TXNDC16: variants seen among roughly 807,000 people sequenced by gnomAD.
TXNDC16 encodes the protein thioredoxin domain-containing protein 16.
Under a neutral mutation model 85.6 loss-of-function variants are expected in TXNDC16, and 74 were observed. The observed-to-expected ratio is 0.86, with a 90% confidence interval of 0.72 to 1.05. The LOEUF (loss-of-function observed/expected upper bound fraction) is 1.05. Among genes scored for constraint, TXNDC16 ranks in the 50% least tolerant of loss-of-function variants. TXNDC16 has a pLI of 0.00. For synonymous variants in TXNDC16, 335 were observed against 326.5 expected (o/e 1.03, Z -0.28); for missense variants, 959 against 947.0 (o/e 1.01, Z -0.17).
intron 9 of TXNDC16, among the ~76,000 whole-genome samples, chr14:52,492,072 A>T (rs1387087755): frequency 1.3e-5 from 2 of 152,120 alleles, no homozygotes; most frequent in East Asian, 1.9e-4. Flanking sequence ...AGGTAGTTAG[A>T]TCCCTAGATT....
intron 16 of TXNDC16, among the ~76,000 whole-genome samples, chr14:52,462,465 C>A (rs1054889567): frequency 1.3e-5 from 2 of 152,210 alleles, no homozygotes; most frequent in African/African-American, 4.8e-5. Flanking sequence ...CAGGCACATG[C>A]CACCATGCCT....
intron 9 of TXNDC16, among the ~76,000 whole-genome samples, chr14:52,502,372 G>A (rs1345777120): frequency 1.3e-5 from 2 of 152,226 alleles, no homozygotes; most frequent in African/African-American, 4.8e-5. Flanking sequence ...ACAGTGGTTA[G>A]AGCAGGGTCA....
At chr14:52,480,975 G>GTATATATATATATATA (rs141877325) in intron 14 of TXNDC16, among the ~76,000 whole-genome samples, 2 of 134,990 alleles carry the variant, frequency 1.5e-5, no homozygotes, top group African/African-American at 5.6e-5. Flanking sequence ...ATATATATAT[G>GTATATATATATATATA]TATATATATA....
rs189315410 is a variant in TXNDC16 at position 52,483,211 on chromosome 14, A to C, written c.1109-246T>G. Among the ~76,000 whole-genome samples the C allele has an allele frequency of 7.9e-5, 12 of 152,296 alleles. 1 individual carries two copies. The South Asian group carries it at 2.3e-3, about 29-fold the overall frequency. ...AAAATTAAAATTTGTTCTACAAAGAATATTAATAGTGCCATTTTGTTTATT... is the reference window on the plus strand; with the variant it reads ...AAAATTAAAATTTGTTCTACAAAGACTATTAATAGTGCCATTTTGTTTATT... On this transcript the variant is annotated intron_variant, in intron 12 of 20. Transcript: ENST00000281741.
chr14:52,433,473 T>C (rs1262651495), intron 20 of TXNDC16, among the ~76,000 whole-genome samples: 1 of 152,170 alleles, frequency 6.6e-6, no homozygotes, highest in Non-Finnish European at 1.5e-5. Context: ...TGAAAGAATC[T>C]ATGCACTGTT....
Position 52,546,229 on chromosome 14 carries a change from C to T in TXNDC16, c.-181-1858G>A, listed in dbSNP as rs574192301. ...GATTGAGGCTGCAGTGAGCCATGATCATGCCACTGCACTCCAGCCTGGGTG... is the reference window on the plus strand; with the variant it reads ...GATTGAGGCTGCAGTGAGCCATGATTATGCCACTGCACTCCAGCCTGGGTG... On this transcript the variant is annotated intron_variant, in intron 1 of 20. Transcript: ENST00000281741. 7.9e-5 allele frequency among the ~76,000 whole-genome samples: 12 copies of T among 152,234 alleles called. 1 individual carries two copies. The East Asian group carries it at 1.2e-3, about 15-fold the overall frequency.
At chr14:52,459,549 G>A (rs1256469789) in intron 16 of TXNDC16, among the ~76,000 whole-genome samples, 7 of 152,148 alleles carry the variant, frequency 4.6e-5, no homozygotes, top group Admixed American at 2.6e-4. Flanking sequence ...TTAAGGAGGC[G>A]GGACTCCTCC....
At chr14:52,434,101 T>C (rs1190253395) in intron 20 of TXNDC16, among the ~76,000 whole-genome samples, 2 of 152,142 alleles carry the variant, frequency 1.3e-5, no homozygotes, top group African/African-American at 4.8e-5. Flanking sequence ...AGGCGGAAGG[T>C]ACACTTGAGC....
At chr14:52,517,957 G>A (rs868744779) in intron 7 of TXNDC16, among the ~76,000 whole-genome samples, 1 of 152,234 alleles carries the variant, frequency 6.6e-6, no homozygotes, top group Middle Eastern at 3.4e-3. Flanking sequence ...AACTGTGCTT[G>A]TCAAGGTCAC....
At chr14:52,454,885 G>A (rs1315824662) in intron 18 of TXNDC16, among the ~76,000 whole-genome samples, 7 of 152,102 alleles carry the variant, frequency 4.6e-5, no homozygotes, top group Admixed American at 2.6e-4. Context: ...TATACACAAA[G>A]CACTATCAAA....
Position 52,536,751 on chromosome 14 carries a change from A to T in TXNDC16, c.360T>A (p.Phe120Leu). 1 of 1,612,132 alleles carries T rather than the reference A, an allele frequency of 6.2e-7. No individual in the cohort carries two copies. Among genetic ancestry groups the T allele is most frequent in the Non-Finnish European group, 8.5e-7 (1 of 1,178,854 alleles). Reference protein sequence around the residue: ...LLREFPTDTLFDVNAIVAHVL... With the variant: ...LLREFPTDTLLDVNAIVAHVL... ...CATGGGCGACAATGGCATTCACATCAAACAAGGTGTCAGTAGGGAATTCTC... is the reference window on the plus strand; with the variant it reads ...CATGGGCGACAATGGCATTCACATCTAACAAGGTGTCAGTAGGGAATTCTC... Residue 120 changes from phenylalanine to leucine, a missense_variant, in exon 6 of 21, where the codon TTT becomes TTA. Physicochemically the swap from Phe to Leu is conservative, Grantham distance 22. Transcript: ENST00000281741.
chr14:52,489,743 C>A (rs949082906), intron 11 of TXNDC16, among the ~76,000 whole-genome samples: 3 of 152,198 alleles, frequency 2.0e-5, no homozygotes, highest in Non-Finnish European at 4.4e-5. Context: ...TCAGCACAAC[C>A]AGTGGCCATC....
At chr14:52,456,997 T>A in intron 17 of TXNDC16, 93 bp downstream of exon 17, 1 of 878,984 alleles carries the variant, frequency 1.1e-6, no homozygotes, top group South Asian at 1.6e-5. Context: ...TACCTTATTT[T>A]CCTCCATCAG....
intron 14 of TXNDC16, among the ~76,000 whole-genome samples, 153 bp from the exon 15 acceptor site, chr14:52,470,833 C>T (rs1299903506): frequency 1.3e-5 from 2 of 152,152 alleles, no homozygotes; most frequent in Non-Finnish European, 2.9e-5. Context: ...TTTGCAACAC[C>T]ATTCCCTGTT....
chr14:52,487,249 A>C (rs2036291826), intron 12 of TXNDC16, among the ~76,000 whole-genome samples: 1 of 152,232 alleles, frequency 6.6e-6, no homozygotes, highest in South Asian at 2.1e-4. Context: ...AAGCAATTCT[A>C]ACCCCTGCAT....
intron 9 of TXNDC16, among the ~76,000 whole-genome samples, chr14:52,506,092 A>ATTG (rs1334484351): frequency 1.3e-5 from 2 of 152,144 alleles, no homozygotes; most frequent in African/African-American, 4.8e-5. Flanking sequence ...TAGCTTACCA[A>ATTG]CCAAAAAATA....
rs1309915579 is a variant in TXNDC16 at position 52,484,496 on chromosome 14, G to A, written c.1109-1531C>T. On this transcript the variant is annotated intron_variant, in intron 12 of 20. Coordinates refer to ENST00000281741, the MANE Select transcript of TXNDC16 (RefSeq NM_020784.3). ...TAGAGCTGAGAAATTCCTATCATCT[G>A]GTGATGTAGTGGCCATTGTAACATC... 2.0e-5 allele frequency among the ~76,000 whole-genome samples: 3 copies of A among 152,160 alleles called. No homozygotes were observed. The East Asian group carries it at 5.8e-4, about 29-fold the overall frequency.
chr14:52,530,347 ATTATAATATAATATATATTAT>A, intron 6 of TXNDC16, among the ~76,000 whole-genome samples: 1 of 43,860 alleles, frequency 2.3e-5, no homozygotes, highest in African/African-American at 1.1e-4. Flanking sequence ...ATAATTATAT[ATTATAATATAATATATATTAT>A]TATATAATAT....
Position 52,455,431 on chromosome 14 carries a change from G to C in TXNDC16, c.1735C>G (p.Leu579Val). The change falls in exon 18 of 21, where the codon CTG (leucine) becomes GTG (valine). Residue 579 changes from leucine to valine, a missense_variant. Physicochemically the swap from Leu to Val is conservative, Grantham distance 32. Coordinates refer to ENST00000281741, the MANE Select transcript of TXNDC16 (RefSeq NM_020784.3). ...CCTTCTGTGTGTCTGGCAAGCAGCAGGGCTGGAAGACTTGCAGCATATTTG... is the reference window on the plus strand; with the variant it reads ...CCTTCTGTGTGTCTGGCAAGCAGCACGGCTGGAAGACTTGCAGCATATTTG... ...STKYAASLPA[L>V]LLARHTEGKI... The C allele has an allele frequency of 6.2e-7, 1 of 1,614,006 alleles. No homozygotes were observed. The highest frequency in any genetic ancestry group is 8.5e-7 in the Non-Finnish European group (1 of 1,179,926).
Sources: allele counts gnomAD v4.1 joint callset (sites outside exome capture counted in the v4.1 genomes callset), GRCh38; gene constraint gnomAD v4.1.1; transcripts MANE v1.5; gene names NCBI Gene and HGNC (gene_info 2026-07-23, HGNC 2026-07-21).